The following DEPDC5 variants were observed in gnomAD, a reference collection of about 807,000 sequenced individuals.
DEPDC5 encodes GATOR1 complex protein DEPDC5.
A neutral mutation model predicts 217.3 loss-of-function variants in DEPDC5; 73 were observed. That is an observed-to-expected ratio of 0.34 (90% CI 0.28 to 0.41). The LOEUF (loss-of-function observed/expected upper bound fraction) is 0.41, where lower values mean the gene tolerates loss of function less well. DEPDC5 is among the 10% of genes least tolerant of loss of function. The probability of loss-of-function intolerance (pLI) is 1.00; values close to 1 mark genes in which losing one functional copy is unlikely to be tolerated. For missense variants in DEPDC5, 1,675 were observed against 2,070.1 expected (o/e 0.81, Z 3.70); for synonymous variants, 733 against 756.7 (o/e 0.97, Z 0.51).
intron 6 of DEPDC5, among the ~76,000 whole-genome samples, chr22:31,767,602 T>G (rs1601657636): frequency 1.3e-5 from 2 of 151,994 alleles, no homozygotes; most frequent in African/African-American, 4.8e-5. Flanking sequence ...GCTTTTTTTT[T>G]GTATTTTTAG....
Position 31,906,560 on chromosome 22 carries a change from G to A in DEPDC5, c.*63G>A. ...CCACTGCCCTCAAACCCGGGGCGGA[G>A]GATTCCAGGCAGGCTCTAGGAGTCA... is the stretch of plus-strand genomic sequence containing the variant. On this transcript the variant is annotated 3_prime_UTR_variant, in exon 43 of 43. Coordinates refer to ENST00000651528, the MANE Select transcript of DEPDC5 (RefSeq NM_001242896.3). The surrounding 1 kb of genome is among the most constrained non-coding windows in gnomAD (Gnocchi z 5.1). The A allele has an allele frequency of 6.3e-7, 1 of 1,583,372 alleles. No individual in the cohort carries two copies. The highest frequency in any genetic ancestry group is 1.7e-5 in the Admixed American group (1 of 58,910).
chr22:31,879,846 G>C, intron 38 of DEPDC5, 94 bp downstream of exon 38: 1 of 1,252,886 alleles, frequency 8.0e-7, no homozygotes, highest in Non-Finnish European at 1.1e-6. Context: ...ACATGAACCA[G>C]GATTAGAGTC....
upstream of DEPDC5, chr22:31,753,985 G>T (rs1409788745): frequency 6.5e-6 from 1 of 152,838 alleles, no homozygotes; most frequent in East Asian, 1.9e-4. Context: ...CCGGAGCGGC[G>T]CGGGTTCTCA....
At chr22:31,901,610 T>G in intron 40 of DEPDC5, 132 bp from the exon 41 acceptor site, 1 of 711,910 alleles carries the variant, frequency 1.4e-6, no homozygotes, top group Non-Finnish European at 2.4e-6. Flanking sequence ...TCAAAGGGCG[T>G]AGTATGGAGA....
At chr22:31,798,869 G>A (rs771329225) in intron 14 of DEPDC5, among the ~76,000 whole-genome samples, 1 of 152,122 alleles carries the variant, frequency 6.6e-6, no homozygotes, top group Non-Finnish European at 1.5e-5. Context: ...GGGCATTCCC[G>A]AAAGCAAGAG....
chr22:31,804,193 G>A lies in DEPDC5; in HGVS notation c.1113G>A (p.Glu371=), dbSNP rs2087207971. The change falls in exon 16 of 43, where the codon GAG becomes GAA. Residue 371 remains glutamate, a synonymous_variant. Transcript: ENST00000651528. ...GIGVDLVCMG[E]QPLHAVPLFK... ...GTGTGGATTTGGTGTGCATGGGAGA[G>A]CAACCGTTACATGCTGTCCCATTGT... The A allele has an allele frequency of 2.5e-6, 4 of 1,613,920 alleles. No homozygotes were observed. Among genetic ancestry groups the A allele is most frequent in the East Asian group, 2.2e-5 (1 of 44,890 alleles).
At chr22:31,781,107 T>A (rs547657036) in intron 8 of DEPDC5, among the ~76,000 whole-genome samples, 2 of 151,882 alleles carry the variant, frequency 1.3e-5, no homozygotes, top group Admixed American at 1.3e-4. Context: ...TCCCAGCTAC[T>A]TGGGAGGCTG....
intron 31 of DEPDC5, among the ~76,000 whole-genome samples, chr22:31,847,235 G>A (rs1484512489): frequency 1.3e-5 from 2 of 152,066 alleles, no homozygotes; most frequent in African/African-American, 4.8e-5. Context: ...ATTTGAGCCG[G>A]GGCCAGGTGT....
At chr22:31,889,019 T>C (rs773217164) in intron 38 of DEPDC5, among the ~76,000 whole-genome samples, 13 of 152,220 alleles carry the variant, frequency 8.5e-5, no homozygotes, top group Non-Finnish European at 1.8e-4. Flanking sequence ...GCTTGTTCTG[T>C]ACCTGGGCAC....
rs551890890 is a variant in DEPDC5, at chr22:31,865,136, T to A, written c.3330+3703T>A. On this transcript the variant is annotated intron_variant, in intron 33 of 42. Coordinates refer to ENST00000651528, the MANE Select transcript of DEPDC5 (RefSeq NM_001242896.3). ...CCACCGCACCCAGCCGTATTTTTTT[T>A]ATCTTATTGTATGTCTGTTTATTAG... Among the ~76,000 whole-genome samples the A allele has an allele frequency of 2.2e-4, 34 of 152,318 alleles. No homozygotes were observed. In the South Asian group the frequency reaches 6.8e-3, roughly 31 times the overall value.
chr22:31,855,589 AG>A (rs2149101556), intron 31 of DEPDC5, among the ~76,000 whole-genome samples: 1 of 152,048 alleles, frequency 6.6e-6, no homozygotes, highest in East Asian at 2.0e-4. Context: ...TGTGTTAGCC[AG>A]GATGGTCTCG....
Position 31,903,750 on chromosome 22 carries a change from C to T in DEPDC5, c.4436+1948C>T, listed in dbSNP as rs987248793. ...CCCACCTTTCACACTTAAACCTCTC[C>T]CCTGTTCCACACCTGTCAGAATCTT... On this transcript the variant is annotated intron_variant, in intron 41 of 42. Transcript: ENST00000651528. Among the ~76,000 whole-genome samples, 17 of 147,206 alleles carry T rather than the reference C, an allele frequency of 1.2e-4. 1 individual carries two copies. The highest frequency in any genetic ancestry group is 9.6e-4 in the Admixed American group (14 of 14,624).
intron 7 of DEPDC5, among the ~76,000 whole-genome samples, chr22:31,772,793 T>C (rs2083473174): frequency 6.6e-6 from 1 of 151,276 alleles, no homozygotes; most frequent in African/African-American, 2.4e-5. Context: ...TTATATATAT[T>C]ATTTCTGAGA....
chr22:31,846,488 A>G (rs1369616271), intron 30 of DEPDC5, among the ~76,000 whole-genome samples: 1 of 152,214 alleles, frequency 6.6e-6, no homozygotes, highest in African/African-American at 2.4e-5. Flanking sequence ...AAGTGAGGTC[A>G]CTGGAGTTTG....
In DEPDC5 at chr22:31,838,920, G is replaced by A. The variant is rs9680698; in HGVS notation, c.2515+75G>A. The A allele has an allele frequency of 0.022, 32,392 of 1,462,444 alleles. 508 individuals are homozygous for A. Among genetic ancestry groups the A allele is most frequent in the African/African-American group, 0.073 (5,165 of 70,816 alleles). The allele number at this position is 1,462,444 out of a possible 1,614,324, so 90.6% of individuals were successfully genotyped here. The stretch of plus-strand genomic sequence containing the variant: ...TGGAAGTGGGTTTTCAAGATGGTAG[G>A]TAGTAGATAAATTTAGTAGTAATCG... On this transcript the variant is annotated intron_variant, in intron 27 of 42. Transcript: ENST00000651528.
intron 38 of DEPDC5, among the ~76,000 whole-genome samples, chr22:31,888,619 A>G (rs565821615): frequency 6.6e-6 from 1 of 152,024 alleles, no homozygotes; most frequent in South Asian, 2.1e-4. Context: ...GCATGATCCT[A>G]GCTTGCTGCA....
At chr22:31,784,667 CCTTT>C (rs1326530519) in intron 9 of DEPDC5, 143 bp from the exon 10 acceptor site, 2 of 639,182 alleles carry the variant, frequency 3.1e-6, no homozygotes, top group Non-Finnish European at 5.3e-6. Flanking sequence ...TTTTTGGTCC[CCTTT>C]CTTATAGAAG....
chr22:31,811,453 A>G (rs2088320875), intron 20 of DEPDC5, among the ~76,000 whole-genome samples: 1 of 152,132 alleles, frequency 6.6e-6, no homozygotes, highest in Non-Finnish European at 1.5e-5. Flanking sequence ...ATCCTTGGAC[A>G]CAGCGTTTAA....
Position 31,798,460 on chromosome 22 carries a change from G to A in DEPDC5, c.872-122G>A, listed in dbSNP as rs550620014. 1.1e-3 allele frequency: 782 copies of A among 720,012 alleles called. 4 individuals carry two copies. The highest frequency in any genetic ancestry group is 4.9e-3 in the Middle Eastern group (10 of 2,038). The allele number at this position is 720,012 out of a possible 1,614,324, so 44.6% of individuals were successfully genotyped here. On this transcript the variant is annotated intron_variant, in intron 13 of 42. Coordinates refer to ENST00000651528, the MANE Select transcript of DEPDC5 (RefSeq NM_001242896.3). ...TTGAACCTGGGAGGTGGAGGTTGCAGTGAGCCAAGATTGTGCTGCTCCACT... is the reference window on the plus strand; with the variant it reads ...TTGAACCTGGGAGGTGGAGGTTGCAATGAGCCAAGATTGTGCTGCTCCACT...
Sources: gnomAD v4.1 joint callset for allele counts (sites outside exome capture counted in the v4.1 genomes callset) on GRCh38, gnomAD v4.1.1 for gene constraint, Gnocchi (gnomAD v3.1) non-coding constraint, MANE v1.5 for transcripts, NCBI Gene and HGNC (gene_info 2026-07-23, HGNC 2026-07-21) for gene names.